SENP7: variants seen among roughly 807,000 people sequenced by gnomAD.
SENP7 encodes SUMO specific peptidase 7, also known as sentrin-specific protease 7.
SENP7 carries 64 observed loss-of-function variants against 141.2 expected under a neutral mutation model. That is an observed-to-expected ratio of 0.45 (90% confidence interval 0.37 to 0.56). The LOEUF (loss-of-function observed/expected upper bound fraction) is 0.56, where lower values mean the gene tolerates loss of function less well. Among genes scored for constraint, SENP7 ranks in the 20% least tolerant of loss-of-function variants. The pLI is 0.00. For missense variants in SENP7, 1,025 were observed against 1,212.2 expected (o/e 0.85, Z 2.29); for synonymous variants, 382 against 426.4 (o/e 0.90, Z 1.28).
At chr3:101,361,219 C>CAGA (rs1559717112) in intron 11 of SENP7, among the ~76,000 whole-genome samples, 1 of 145,690 alleles carries the variant, frequency 6.9e-6, no homozygotes, top group Non-Finnish European at 1.5e-5. Flanking sequence ...TCCGCCCCCC[C>CAGA]AAAAAAAAAA....
At chr3:101,459,826 A>G (rs907674547) in intron 3 of SENP7, among the ~76,000 whole-genome samples, 4 of 152,186 alleles carry the variant, frequency 2.6e-5, no homozygotes, top group Non-Finnish European at 5.9e-5. Context: ...TTGCTCGACT[A>G]ATTCAGAAAA....
rs1021146776 is a variant in SENP7 at position 101,325,305 on chromosome 3, A to T, written c.*638T>A. The T allele has an allele frequency of 3.2e-5, 4 of 125,208 alleles. No homozygotes were observed. Among genetic ancestry groups the T allele is most frequent in the Admixed American group, 1.9e-4 (2 of 10,418 alleles). The allele number at this position is 125,208 out of a possible 1,614,324, so 7.8% of individuals were successfully genotyped here. A position where few individuals can be genotyped will look rare whatever the true frequency, so the allele number is the denominator to read the frequency against. On this transcript the variant is annotated 3_prime_UTR_variant, in exon 24 of 24. Coordinates refer to ENST00000394095, the MANE Select transcript of SENP7 (RefSeq NM_020654.5). ...CATATGACATCAAAAGAAATGAAAA[A>T]AAAAAAGCAGAGTAATCGTATTTAG...
chr3:101,493,918 T>C lies in SENP7; in HGVS notation c.141A>G (p.Pro47=), dbSNP rs148653905. ...AKPEDVHVQS[P]LSKFRSSERW... ...GTTCTGAGCTTCTGAATTTGGACAG[T>C]GGTGATTGAACATGGACATCCTCTG... The change falls in exon 3 of 24, where the codon CCA becomes CCG. Residue 47 remains proline, a synonymous_variant. Transcript: ENST00000394095. 9 of 1,610,890 alleles carry C rather than the reference T, an allele frequency of 5.6e-6. No homozygotes were observed. The African/African-American group carries it at 9.3e-5, about 17-fold the overall frequency.
At chr3:101,499,535 A>ATTTTTTT (rs55855998) in intron 2 of SENP7, among the ~76,000 whole-genome samples, 24 of 138,742 alleles carry the variant, frequency 1.7e-4, no homozygotes, top group African/African-American at 2.5e-4. Flanking sequence ...TGCCCAGCTA[A>ATTTTTTT]TTTTTTTTTT....
chr3:101,482,706 TA>T (rs1169053086), intron 3 of SENP7, among the ~76,000 whole-genome samples: 1 of 152,210 alleles, frequency 6.6e-6, no homozygotes, highest in Non-Finnish European at 1.5e-5. Flanking sequence ...GGTGAAAGAA[TA>T]TTTTTTTATT....
chr3:101,435,611 A>G, intron 4 of SENP7, among the ~76,000 whole-genome samples: 1 of 152,282 alleles, frequency 6.6e-6, no homozygotes, highest in East Asian at 1.9e-4. Context: ...TCAACATACA[A>G]AAGTCAGCAG....
chr3:101,355,136 T>C (rs1222195044), intron 11 of SENP7, among the ~76,000 whole-genome samples: 2 of 152,202 alleles, frequency 1.3e-5, no homozygotes, highest in Non-Finnish European at 2.9e-5. Context: ...GATGCCTACT[T>C]TGCAAATATT....
intron 1 of SENP7, among the ~76,000 whole-genome samples, chr3:101,507,052 T>G (rs1576558404): frequency 9.6e-6 from 1 of 104,522 alleles, no homozygotes; most frequent in Admixed American, 1.3e-4. Flanking sequence ...CAGAGCAAGA[T>G]CCCATCTCAA....
intron 4 of SENP7, among the ~76,000 whole-genome samples, chr3:101,421,968 T>C (rs1275480397): frequency 6.6e-6 from 1 of 152,186 alleles, no homozygotes; most frequent in Non-Finnish European, 1.5e-5. Context: ...TGGTTATCGT[T>C]AAAGCAGGGG....
At chr3:101,449,988 C>T (rs538513680) in intron 4 of SENP7, among the ~76,000 whole-genome samples, 16 of 152,220 alleles carry the variant, frequency 1.1e-4, no homozygotes, top group African/African-American at 3.9e-4. Flanking sequence ...CAGAGACACA[C>T]ATAGGCTCAA....
intron 4 of SENP7, among the ~76,000 whole-genome samples, chr3:101,441,355 C>A (rs2062664352): frequency 6.6e-6 from 1 of 152,132 alleles, no homozygotes; most frequent in African/African-American, 2.4e-5. Flanking sequence ...CAGGTGCACC[C>A]TGCCCCTGCA....
intron 4 of SENP7, among the ~76,000 whole-genome samples, chr3:101,429,171 C>T (rs1217468582): frequency 3.3e-5 from 5 of 151,732 alleles, no homozygotes; most frequent in African/African-American, 9.7e-5. Context: ...CTTGGCTACG[C>T]GGGCTCTTTT....
At chr3:101,426,193 T>C (rs561094215) in intron 4 of SENP7, among the ~76,000 whole-genome samples, 109 of 152,294 alleles carry the variant, frequency 7.2e-4, no homozygotes, top group African/African-American at 2.3e-3. Flanking sequence ...CCAGCCTAGC[T>C]AGAGAGGCCT....
intron 4 of SENP7, among the ~76,000 whole-genome samples, chr3:101,442,860 T>C (rs1465456127): frequency 6.6e-6 from 1 of 151,564 alleles, no homozygotes; most frequent in African/African-American, 2.4e-5. Flanking sequence ...AAAAAAAGAA[T>C]TAATAAAGCC....
rs113666008 is a variant in SENP7 at position 101,493,862 on chromosome 3, T to G, written c.186+11A>C. On this transcript the variant is annotated intron_variant, in intron 3 of 23. Coordinates refer to ENST00000394095, the MANE Select transcript of SENP7 (RefSeq NM_020654.5). ...ACTGTATACTTAAAATAAATTAATTTTATTTACCACCTGCAAAGGGAGAGT... is the reference window on the plus strand; with the variant it reads ...ACTGTATACTTAAAATAAATTAATTGTATTTACCACCTGCAAAGGGAGAGT... The G allele has an allele frequency of 2.9e-3, 4,294 of 1,497,538 alleles. 93 individuals are homozygous for G. The African/African-American group carries it at 0.048, about 17-fold the overall frequency. The allele number at this position is 1,497,538 out of a possible 1,614,324, so 92.8% of individuals were successfully genotyped here. A position where few individuals can be genotyped will look rare whatever the true frequency, so the allele number is the denominator to read the frequency against.
chr3:101,394,728 G>C (rs2060919008), intron 6 of SENP7, among the ~76,000 whole-genome samples: 1 of 151,592 alleles, frequency 6.6e-6, no homozygotes, highest in Non-Finnish European at 1.5e-5. Flanking sequence ...TCTCCATACT[G>C]CTTTCCATAA....
chr3:101,349,857 T>C (rs1168724709), intron 12 of SENP7, among the ~76,000 whole-genome samples: 1 of 152,156 alleles, frequency 6.6e-6, no homozygotes, highest in Non-Finnish European at 1.5e-5. Context: ...TTTCTTCTTC[T>C]TCCTCAGTAA....
In SENP7 at chr3:101,452,840, G is replaced by A. The variant is rs1269259404; in HGVS notation, c.284+6115C>T. ...CATGTCGAAAACACCAAAAGCAATG[G>A]CAACAAAAGCCAAAATTGACAAATG... On this transcript the variant is annotated intron_variant, in intron 4 of 23. Transcript: ENST00000394095. Among the ~76,000 whole-genome samples, 6 of 152,282 alleles carry A rather than the reference G, an allele frequency of 3.9e-5. No individual in the cohort carries two copies. In the South Asian group the frequency reaches 1.2e-3, roughly 32 times the overall value.
chr3:101,414,234 C>G, intron 5 of SENP7: 1 of 575,034 alleles, frequency 1.7e-6, no homozygotes, highest in South Asian at 1.9e-5. Flanking sequence ...ACAGCTACAG[C>G]AGCTGCAGGT....
Sources: gnomAD v4.1 joint callset for allele counts (sites outside exome capture counted in the v4.1 genomes callset) on GRCh38, gnomAD v4.1.1 for gene constraint, MANE v1.5 for transcripts, NCBI Gene and HGNC (gene_info 2026-07-23, HGNC 2026-07-21) for gene names.